SUSD1: variants seen among roughly 807,000 people sequenced by gnomAD.
SUSD1 encodes sushi domain-containing protein 1.
A neutral mutation model predicts 86.9 loss-of-function variants in SUSD1; 65 were observed. That is an observed-to-expected ratio of 0.75 (90% confidence interval 0.61 to 0.92). The LOEUF is 0.92. Ranked by LOEUF, SUSD1 falls within the 40% of genes least tolerant of loss-of-function variation. SUSD1 has a pLI of 0.00. For missense variants in SUSD1, 850 were observed against 929.7 expected (o/e 0.91, Z 1.11); for synonymous variants, 346 against 350.0 (o/e 0.99, Z 0.13).
At chr9:112,105,443 G>A (rs927577721) in intron 8 of SUSD1, among the ~76,000 whole-genome samples, 1 of 152,194 alleles carries the variant, frequency 6.6e-6, no homozygotes. Context: ...AGGGGACCGG[G>A]CATAGTGGCT....
chr9:112,119,885 G>C (rs912411685), intron 6 of SUSD1, among the ~76,000 whole-genome samples: 1 of 152,156 alleles, frequency 6.6e-6, no homozygotes, highest in Non-Finnish European at 1.5e-5. Context: ...CCAAAGACTA[G>C]TGGCTTCCTT....
chr9:112,064,046 T>TGGGGG (rs58850509), intron 12 of SUSD1, among the ~76,000 whole-genome samples: 42 of 77,642 alleles, frequency 5.4e-4, no homozygotes, highest in Non-Finnish European at 9.0e-4. Flanking sequence ...TTTCTTTTTT[T>TGGGGG]GGGGGGGGGG....
chr9:112,051,583 C>T (rs1828214715), intron 15 of SUSD1, among the ~76,000 whole-genome samples: 1 of 151,706 alleles, frequency 6.6e-6, no homozygotes, highest in South Asian at 2.1e-4. Context: ...AGGCATGTGC[C>T]ACCATGCCTG....
intron 10 of SUSD1, among the ~76,000 whole-genome samples, chr9:112,083,914 A>G (rs1263930692): frequency 6.6e-6 from 1 of 152,180 alleles, no homozygotes; most frequent in Non-Finnish European, 1.5e-5. Flanking sequence ...ATATTATAAC[A>G]CTATGTCTCA....
intron 6 of SUSD1, among the ~76,000 whole-genome samples, chr9:112,120,637 T>A (rs1432441554): frequency 6.6e-6 from 1 of 152,228 alleles, no homozygotes; most frequent in Non-Finnish European, 1.5e-5. Flanking sequence ...AAAGCTTGCA[T>A]AAACCCATGG....
intron 8 of SUSD1, 67 bp downstream of exon 8, chr9:112,111,587 C>T: frequency 6.4e-7 from 1 of 1,550,756 alleles, no homozygotes. Context: ...GCTGATTCTG[C>T]AGCATACTTC....
At chr9:112,112,644 T>C (rs532579409) in intron 7 of SUSD1, 127 bp downstream of exon 7, 3 of 632,410 alleles carry the variant, frequency 4.7e-6, no homozygotes, top group Non-Finnish European at 8.2e-6. Flanking sequence ...ACAAAAAAAA[T>C]AAAAGAAAAA....
At chr9:112,094,676 C>A (rs959651694) in intron 10 of SUSD1, among the ~76,000 whole-genome samples, 4 of 152,122 alleles carry the variant, frequency 2.6e-5, no homozygotes, top group African/African-American at 9.7e-5. Context: ...AGGAATGAAA[C>A]AAAGTGAAGG....
At chr9:112,134,869 A>G (rs1832191418) in intron 5 of SUSD1, among the ~76,000 whole-genome samples, 1 of 152,006 alleles carries the variant, frequency 6.6e-6, no homozygotes. Flanking sequence ...GGAATTAGAG[A>G]CCAGCTGGCC....
At chr9:112,059,631 G>A (rs908157714) in intron 13 of SUSD1, among the ~76,000 whole-genome samples, 21 of 152,186 alleles carry the variant, frequency 1.4e-4, no homozygotes, top group African/African-American at 5.1e-4. Context: ...TGTCATGTAT[G>A]CACTGTAAAA....
Position 112,157,541 on chromosome 9 carries a change from C to T in SUSD1, c.176G>A (p.Cys59Tyr), listed in dbSNP as rs144615358. Reference protein sequence around the residue: ...QQREGKKICICNYGFVGNGRT... With the variant: ...QQREGKKICIYNYGFVGNGRT... ...CCCGTTCCCTACAAATCCATAGTTGCAAATACAGATCTTCTTCCCTTCTCT... is the reference window on the plus strand; with the variant it reads ...CCCGTTCCCTACAAATCCATAGTTGTAAATACAGATCTTCTTCCCTTCTCT... The change falls in exon 2 of 17, where the codon TGC becomes TAC. Residue 59 changes from cysteine (C) to tyrosine (Y), a missense_variant. By Grantham distance (194) the Cys-to-Tyr change is radical (BLOSUM62 -2). Coordinates refer to ENST00000374270, the MANE Select transcript of SUSD1 (RefSeq NM_022486.5). 1 of 1,614,130 alleles carries T rather than the reference C, an allele frequency of 6.2e-7. No homozygotes were observed. Among genetic ancestry groups the T allele is most frequent in the African/African-American group, 1.3e-5 (1 of 75,038 alleles).
chr9:112,157,427 A>G (rs700105), intron 2 of SUSD1, 73 bp downstream of exon 2: 861,321 of 1,039,368 alleles, frequency 0.83, 358,429 homozygotes, highest in East Asian at 0.91. Context: ...CCCCAAGGAC[A>G]TCAACTCTTT....
rs899409528 is a variant in SUSD1, at chr9:112,080,517, A to G, written c.1475-352T>C. Among the ~76,000 whole-genome samples, 29 of 152,018 alleles carry G rather than the reference A, an allele frequency of 1.9e-4. 2 individuals are homozygous for G. The South Asian group carries it at 5.2e-3, about 27-fold the overall frequency. The stretch of plus-strand genomic sequence containing the variant: ...AGCCTGGCCAACATAGCGAAACCCC[A>G]TCTCTACTAAAAATACAAAAACTAG... On this transcript the variant is annotated intron_variant, in intron 10 of 16. Coordinates refer to ENST00000374270, the MANE Select transcript of SUSD1 (RefSeq NM_022486.5).
At chr9:112,096,040 C>A (rs144072573) in intron 10 of SUSD1, among the ~76,000 whole-genome samples, 1 of 152,244 alleles carries the variant, frequency 6.6e-6, no homozygotes, top group East Asian at 1.9e-4. Flanking sequence ...ACTACCCTGA[C>A]GAGAAGACAT....
At chr9:112,134,660 C>T (rs1359871717) in intron 5 of SUSD1, among the ~76,000 whole-genome samples, 5 of 151,892 alleles carry the variant, frequency 3.3e-5, no homozygotes, top group African/African-American at 1.2e-4. Flanking sequence ...ATGCTCACTA[C>T]ATAGGTGACA....
At chr9:112,081,903 C>T (rs973818997) in intron 10 of SUSD1, among the ~76,000 whole-genome samples, 5 of 152,144 alleles carry the variant, frequency 3.3e-5, no homozygotes, top group Admixed American at 6.5e-5. Flanking sequence ...ACTGTTAATA[C>T]ATTTAATATA....
chr9:112,083,980 A>G (rs1829871825), intron 10 of SUSD1, among the ~76,000 whole-genome samples: 1 of 152,226 alleles, frequency 6.6e-6, no homozygotes, highest in East Asian at 1.9e-4. Context: ...ATTGATCTCA[A>G]GAAATAAATG....
rs575352149 is a variant in SUSD1 at position 112,059,405 on chromosome 9, G to A, written c.1851-719C>T. Among the ~76,000 whole-genome samples, 13 of 152,334 alleles carry A rather than the reference G, an allele frequency of 8.5e-5. No individual in the cohort carries two copies. The South Asian group carries it at 2.7e-3, about 32-fold the overall frequency. On this transcript the variant is annotated intron_variant, in intron 13 of 16. Coordinates refer to ENST00000374270, the MANE Select transcript of SUSD1 (RefSeq NM_022486.5). ...CTGTGGAAAGGGTTAGCAGTCACAT[G>A]GAGACCGAGTGCCTACCACAGTGAA... is the stretch of plus-strand genomic sequence containing the variant.
In SUSD1 at chr9:112,170,543, G is replaced by A. The variant is rs931275800; in HGVS notation, c.103+4590C>T. ...AACACCCTCCTGCCATATCAATTAC[G>A]CGAAACACACTTTCCTTACACTCAG... On this transcript the variant is annotated intron_variant, in intron 1 of 16. Coordinates refer to ENST00000374270, the MANE Select transcript of SUSD1 (RefSeq NM_022486.5). Among the ~76,000 whole-genome samples, 20 of 151,944 alleles carry A rather than the reference G, an allele frequency of 1.3e-4. No homozygotes were observed. In the South Asian group the frequency reaches 2.1e-3, roughly 16 times the overall value.
Sources: gnomAD v4.1 joint callset for allele counts (sites outside exome capture counted in the v4.1 genomes callset) on GRCh38, gnomAD v4.1.1 for gene constraint, MANE v1.5 for transcripts, NCBI Gene and HGNC (gene_info 2026-07-23, HGNC 2026-07-21) for gene names.